The following MIPEP variants were observed in gnomAD, a reference collection of about 807,000 sequenced individuals.
The protein encoded by MIPEP is mitochondrial intermediate peptidase.
Under a neutral mutation model 90.3 loss-of-function variants are expected in MIPEP, and 79 were observed. That is an observed-to-expected ratio of 0.87 (90% CI 0.73 to 1.05). The LOEUF is 1.05. Ranked by LOEUF, MIPEP falls within the 50% of genes least tolerant of loss-of-function variation. The pLI is 0.00. For missense variants in MIPEP, 940 were observed against 905.6 expected, an observed-to-expected ratio of 1.04 and a Z score of -0.49; for synonymous variants, 334 against 315.8, an observed-to-expected ratio of 1.06 and a Z score of -0.61.
At chr13:23,738,902 T>C (rs1447234876) in intron 18 of MIPEP, among the ~76,000 whole-genome samples, 1 of 152,186 alleles carries the variant, frequency 6.6e-6, no homozygotes, top group Non-Finnish European at 1.5e-5. Flanking sequence ...CAGTGACCTG[T>C]GTTTTAATAA....
intron 11 of MIPEP, among the ~76,000 whole-genome samples, chr13:23,840,386 A>T (rs1869242609): frequency 6.6e-6 from 1 of 152,252 alleles, no homozygotes; most frequent in South Asian, 2.1e-4. Context: ...CACTGAGGAT[A>T]CAGAAGTGAA....
chr13:23,828,396 T>G (rs1486374668), intron 14 of MIPEP, among the ~76,000 whole-genome samples: 1 of 152,224 alleles, frequency 6.6e-6, no homozygotes, highest in African/African-American at 2.4e-5. Flanking sequence ...GTCATTATTT[T>G]TAGCAGAAGT....
At chr13:23,806,288 T>C (rs1217087525) in intron 15 of MIPEP, among the ~76,000 whole-genome samples, 2 of 152,166 alleles carry the variant, frequency 1.3e-5, no homozygotes, top group Non-Finnish European at 2.9e-5. Flanking sequence ...TAAATAAGAA[T>C]ATTAAAGAAT....
chr13:23,851,491 A>G (rs1869795013), intron 10 of MIPEP, among the ~76,000 whole-genome samples: 1 of 152,244 alleles, frequency 6.6e-6, no homozygotes, highest in Non-Finnish European at 1.5e-5. Context: ...GATGAAGACT[A>G]TCAATGGGTG....
intron 10 of MIPEP, among the ~76,000 whole-genome samples, chr13:23,851,450 G>C (rs751939107): frequency 1.3e-5 from 2 of 152,188 alleles, no homozygotes; most frequent in Non-Finnish European, 2.9e-5. Context: ...CTTATTTTGA[G>C]AATTGGTAAT....
chr13:23,859,037 A>G (rs1444744502), intron 9 of MIPEP, 125 bp from the exon 10 acceptor site: 1 of 764,196 alleles, frequency 1.3e-6, no homozygotes, highest in Non-Finnish European at 2.2e-6. Context: ...ATTTTATAGA[A>G]TCCCTTAAAA....
chr13:23,774,583 A>T (rs759536540), intron 16 of MIPEP, among the ~76,000 whole-genome samples: 6 of 152,054 alleles, frequency 3.9e-5, no homozygotes, highest in Non-Finnish European at 7.3e-5. Flanking sequence ...TTCTTTCAAT[A>T]ATGTTTTACA....
At chr13:23,804,643 G>A (rs1033711938) in intron 16 of MIPEP, among the ~76,000 whole-genome samples, 2 of 152,124 alleles carry the variant, frequency 1.3e-5, no homozygotes, top group Non-Finnish European at 2.9e-5. Context: ...TAAGCCAATC[G>A]AAAACTAATG....
Position 23,837,716 on chromosome 13 carries a change from T to C in MIPEP, c.1379A>G (p.Asp460Gly). 6.2e-7 allele frequency: 1 copy of C among 1,614,122 alleles called. No individual in the cohort carries two copies. Among genetic ancestry groups the C allele is most frequent in the Non-Finnish European group, 8.5e-7 (1 of 1,179,918 alleles). ...FTIRGGRLKE[D>G]GDYQLPVVVL... is the part of the protein sequence containing the mutation. ...TACAACTGGGAGTTGATAGTCTCCA[T>C]CTTCCTTTAGTCTGCCTCCACGGAT... Residue 460 changes from aspartate to glycine, a missense_variant, in exon 13 of 19, where the codon GAT (aspartate) becomes GGT (glycine). Physicochemically the swap from Asp to Gly is moderately conservative, Grantham distance 94. Transcript: ENST00000382172.
intron 16 of MIPEP, among the ~76,000 whole-genome samples, chr13:23,805,698 C>T (rs992079007): frequency 6.6e-6 from 1 of 152,132 alleles, no homozygotes; most frequent in African/African-American, 2.4e-5. Flanking sequence ...TATAGACCAA[C>T]TCCAATGGCC....
intron 16 of MIPEP, among the ~76,000 whole-genome samples, chr13:23,763,362 G>A (rs1362895642): frequency 6.6e-6 from 1 of 152,158 alleles, no homozygotes; most frequent in African/African-American, 2.4e-5. Flanking sequence ...GATGATAAGC[G>A]TCTCTCAGGG....
intron 18 of MIPEP, among the ~76,000 whole-genome samples, chr13:23,735,668 T>C (rs1424438413): frequency 6.6e-6 from 1 of 152,152 alleles, no homozygotes; most frequent in Non-Finnish European, 1.5e-5. Flanking sequence ...ATATATACAC[T>C]TGTGGGCTTT....
intron 18 of MIPEP, among the ~76,000 whole-genome samples, chr13:23,744,766 C>T (rs1952366147): frequency 6.6e-6 from 1 of 152,144 alleles, no homozygotes; most frequent in South Asian, 2.1e-4. Context: ...ATACAAGTAG[C>T]AGAAATTAGT....
chr13:23,878,768 T>A (rs780909929), intron 4 of MIPEP, among the ~76,000 whole-genome samples: 22 of 152,222 alleles, frequency 1.4e-4, no homozygotes, highest in Admixed American at 3.3e-4. Context: ...ATTACAAGGA[T>A]CTTGACATCC....
intron 14 of MIPEP, among the ~76,000 whole-genome samples, chr13:23,819,716 A>G (rs1391226155): frequency 6.6e-6 from 1 of 152,128 alleles, no homozygotes; most frequent in Non-Finnish European, 1.5e-5. Flanking sequence ...TAAAAAAAAA[A>G]ATAGAAAAAA....
chr13:23,767,012 G>T (rs971941365), intron 16 of MIPEP, among the ~76,000 whole-genome samples: 2 of 152,208 alleles, frequency 1.3e-5, no homozygotes, highest in Admixed American at 6.5e-5. Context: ...CACTGTCAGA[G>T]GTCTGGGGGA....
chr13:23,754,987 T>TA (rs1182948557), intron 18 of MIPEP, among the ~76,000 whole-genome samples: 2 of 152,232 alleles, frequency 1.3e-5, no homozygotes, highest in Non-Finnish European at 2.9e-5. Context: ...CTCTTCCACA[T>TA]ACTGCCTTGT....
intron 16 of MIPEP, among the ~76,000 whole-genome samples, chr13:23,786,844 C>A (rs1268337659): frequency 6.6e-6 from 1 of 152,194 alleles, no homozygotes; most frequent in East Asian, 1.9e-4. Context: ...CCCAGCAGTA[C>A]ACTGTTACGG....
intron 18 of MIPEP, among the ~76,000 whole-genome samples, chr13:23,733,972 A>G (rs1952232878): frequency 1.3e-5 from 2 of 152,220 alleles, no homozygotes; most frequent in South Asian, 4.1e-4. Context: ...CTGTGTCACT[A>G]AGGATAGAAA....
Sources: allele counts gnomAD v4.1 joint callset (sites outside exome capture counted in the v4.1 genomes callset), GRCh38; gene constraint gnomAD v4.1.1; transcripts MANE v1.5; gene names NCBI Gene and HGNC (gene_info 2026-07-23, HGNC 2026-07-21).